RAPGEF6: variants seen among roughly 807,000 people sequenced by gnomAD.
RAPGEF6 encodes the protein Rap guanine nucleotide exchange factor 6.
In RAPGEF6, 56 loss-of-function variants were observed where a neutral mutation model predicts 171.4. The ratio of observed to expected loss-of-function variants is 0.33; its 90% confidence interval spans 0.26 to 0.41. The LOEUF (loss-of-function observed/expected upper bound fraction) is 0.41, where lower values mean the gene tolerates loss of function less well. Ranked by LOEUF, RAPGEF6 falls within the 10% of genes least tolerant of loss-of-function variation. The pLI is 1.00. For synonymous variants in RAPGEF6, 692 were observed against 650.1 expected (o/e 1.06, Z -0.98); for missense variants, 1,674 against 1,921.4 (o/e 0.87, Z 2.41).
intron 16 of RAPGEF6, among the ~76,000 whole-genome samples, chr5:131,478,077 T>C (rs145967256): frequency 6.6e-6 from 1 of 152,272 alleles, no homozygotes; most frequent in East Asian, 1.9e-4. Context: ...TAATGATTTT[T>C]ATAAGCCACT....
At chr5:131,568,421 C>T (rs1258834548) in intron 4 of RAPGEF6, among the ~76,000 whole-genome samples, 1 of 151,866 alleles carries the variant, frequency 6.6e-6, no homozygotes, top group Non-Finnish European at 1.5e-5. Context: ...GCCTAAAACT[C>T]CTGGGCTCAA....
intron 11 of RAPGEF6, among the ~76,000 whole-genome samples, chr5:131,501,678 A>C (rs1483627284): frequency 6.6e-6 from 1 of 151,920 alleles, no homozygotes; most frequent in African/African-American, 2.4e-5. Context: ...TGGTGTTGTT[A>C]TACTGGCATG....
chr5:131,545,139 A>T (rs376772416), intron 6 of RAPGEF6, among the ~76,000 whole-genome samples: 13 of 151,992 alleles, frequency 8.6e-5, no homozygotes, highest in African/African-American at 3.1e-4. Flanking sequence ...ATTCTACATT[A>T]AAAAAAGTCA....
intron 1 of RAPGEF6, among the ~76,000 whole-genome samples, chr5:131,613,246 T>C: frequency 6.6e-6 from 1 of 152,138 alleles, no homozygotes; most frequent in Non-Finnish European, 1.5e-5. Flanking sequence ...CCGTCTCTAC[T>C]AAACATACAA....
At position 131,505,345 on chromosome 5, in the gene RAPGEF6, A is replaced by T. The variant is rs906130955; in HGVS notation, c.1101+19T>A. The T allele has an allele frequency of 1.9e-6, 3 of 1,612,230 alleles. No individual in the cohort carries two copies. The African/African-American group carries it at 4.0e-5, about 22-fold the overall frequency. On this transcript the variant is annotated intron_variant, in intron 10 of 27. Coordinates refer to ENST00000509018, the MANE Select transcript of RAPGEF6 (RefSeq NM_016340.6). ...TTAAACCAACAGACAAGAAGACTTG[A>T]CCAAAGAGATAATCTTACCTGACAA... is the stretch of plus-strand genomic sequence containing the variant.
chr5:131,541,717 G>T (rs1396514698), intron 6 of RAPGEF6, among the ~76,000 whole-genome samples: 1 of 151,944 alleles, frequency 6.6e-6, no homozygotes, highest in African/African-American at 2.4e-5. Context: ...TCTAACATAG[G>T]TAATGTATTT....
chr5:131,527,611 C>T (rs1277700548), intron 6 of RAPGEF6, among the ~76,000 whole-genome samples: 1 of 152,006 alleles, frequency 6.6e-6, no homozygotes, highest in Non-Finnish European at 1.5e-5. Flanking sequence ...ACTCTGGAAG[C>T]ACAGAAGGTG....
chr5:131,567,748 T>C (rs965077139), intron 4 of RAPGEF6, among the ~76,000 whole-genome samples: 11 of 152,348 alleles, frequency 7.2e-5, no homozygotes, highest in Admixed American at 2.6e-4. Context: ...TTTCAAGCTA[T>C]ACCTTTACTA....
At chr5:131,592,298 G>A in intron 4 of RAPGEF6, 85 bp downstream of exon 4, 2 of 1,521,430 alleles carry the variant, frequency 1.3e-6, no homozygotes, top group Non-Finnish European at 1.8e-6. Flanking sequence ...TTTAAAAGAT[G>A]TATCACTTAC....
rs186452755 is a variant in RAPGEF6 at position 131,439,263 on chromosome 5, A to T, written c.3745+318T>A. On this transcript the variant is annotated intron_variant, in intron 24 of 27. Coordinates refer to ENST00000509018, the MANE Select transcript of RAPGEF6 (RefSeq NM_016340.6). ...ACTTTTACTTGTAAACACTTCATAG[A>T]AATGTCCAAATATAGGAAACTGGAA... Among the ~76,000 whole-genome samples the T allele has an allele frequency of 1.1e-3, 163 of 152,316 alleles. 1 individual carries two copies. The highest frequency in any genetic ancestry group is 2.1e-4 in the South Asian group (1 of 4,828).
Position 131,562,031 on chromosome 5 carries a change from C to G in RAPGEF6, c.298G>C (p.Gly100Arg). Residue 100 changes from glycine to arginine, a missense_variant, in exon 5 of 28, where the codon GGA becomes CGA. This residue lies in a region of RAPGEF6 where 1,116 missense variants were observed against 1,321.5 expected (regional missense o/e 0.84). Transcript: ENST00000509018. ...AGACAATCACATCCTCTTTTTCCTCCAAACTGCTTACCAAAACTATAAAAA... is the reference window on the plus strand; with the variant it reads ...AGACAATCACATCCTCTTTTTCCTCGAAACTGCTTACCAAAACTATAAAAA... ...LPPCSFGKQF[G>R]GKRGCDCLVL... is the part of the protein sequence containing the mutation. 6.3e-7 allele frequency: 1 copy of G among 1,586,676 alleles called. No individual in the cohort carries two copies. The highest frequency in any genetic ancestry group is 8.6e-7 in the Non-Finnish European group (1 of 1,167,622).
intron 19 of RAPGEF6, among the ~76,000 whole-genome samples, chr5:131,458,390 T>C (rs1753672263): frequency 6.6e-6 from 1 of 152,184 alleles, no homozygotes; most frequent in Admixed American, 6.5e-5. Flanking sequence ...TCCACTATGA[T>C]AGTAAGTTTC....
intron 5 of RAPGEF6, among the ~76,000 whole-genome samples, chr5:131,557,605 T>C (rs972708103): frequency 1.3e-5 from 2 of 152,184 alleles, no homozygotes; most frequent in Non-Finnish European, 1.5e-5. Flanking sequence ...GCTTTCTCCA[T>C]ATATTCCCAA....
chr5:131,481,534 G>T (rs958218855), intron 15 of RAPGEF6, among the ~76,000 whole-genome samples: 2 of 152,130 alleles, frequency 1.3e-5, no homozygotes, highest in African/African-American at 4.8e-5. Flanking sequence ...CCCGGCCTCA[G>T]ATATCTTTCT....
chr5:131,538,554 T>C (rs752216053), intron 6 of RAPGEF6, among the ~76,000 whole-genome samples: 43 of 152,170 alleles, frequency 2.8e-4, no homozygotes, highest in Non-Finnish European at 4.9e-4. Context: ...AGGATGTGCA[T>C]AGATTACACA....
chr5:131,603,444 A>G (rs1331754939), intron 2 of RAPGEF6, 117 bp from the exon 3 acceptor site: 2 of 659,452 alleles, frequency 3.0e-6, no homozygotes, highest in Non-Finnish European at 5.2e-6. Context: ...CAAATCTACC[A>G]GTATGTTGTC....
intron 3 of RAPGEF6, among the ~76,000 whole-genome samples, chr5:131,594,019 C>T (rs1422518363): frequency 2.0e-5 from 3 of 152,198 alleles, no homozygotes; most frequent in African/African-American, 7.2e-5. Flanking sequence ...TAATAGCCAA[C>T]ACAATGGGGA....
chr5:131,426,854 C>A lies in RAPGEF6; in HGVS notation c.*412G>T. The A allele has an allele frequency of 5.6e-6, 1 of 179,242 alleles. No homozygotes were observed. The highest frequency in any genetic ancestry group is 1.2e-5 in the Non-Finnish European group (1 of 86,370). 11.1% of individuals were successfully genotyped at this position (179,242 alleles called of 1,614,324 possible). On this transcript the variant is annotated 3_prime_UTR_variant, in exon 28 of 28. Coordinates refer to ENST00000509018, the MANE Select transcript of RAPGEF6 (RefSeq NM_016340.6). ...TATTTTTCAAATATACAAGAATATC[C>A]TTGGTATTGGCAGACAATTTCAATT...
rs1561534262 is a variant in RAPGEF6 at position 131,523,824 on chromosome 5, A to AAAC, written c.496-2304_496-2303insGTT. Among the ~76,000 whole-genome samples, 769 of 151,488 alleles carry AAAC rather than the reference A, an allele frequency of 5.1e-3. 4 individuals are homozygous for AAAC. Among genetic ancestry groups the AAAC allele is most frequent in the African/African-American group, 0.017 (704 of 41,276 alleles). Reference sequence around the variant, plus strand: ...AACAAACAAACAAAAAACCCACCCCAAAACAAACAATCCCCCCATACCTAT... The same window carrying AAAC: ...AACAAACAAACAAAAAACCCACCCCAAACAAACAAACAATCCCCCCATACCTAT... On this transcript the variant is annotated intron_variant, in intron 6 of 27. Coordinates refer to ENST00000509018, the MANE Select transcript of RAPGEF6 (RefSeq NM_016340.6).
Sources: allele counts gnomAD v4.1 joint callset (sites outside exome capture counted in the v4.1 genomes callset), GRCh38; gene constraint gnomAD v4.1.1; regional missense constraint gnomAD v4.1.1; transcripts MANE v1.5; gene names NCBI Gene and HGNC (gene_info 2026-07-23, HGNC 2026-07-21).